The following MCM8 variants were observed in gnomAD, a reference collection of about 807,000 sequenced individuals.
MCM8 encodes the protein minichromosome maintenance 8 homologous recombination repair factor.
Under a neutral mutation model 98.9 loss-of-function variants are expected in MCM8, and 85 were observed. The ratio of observed to expected loss-of-function variants is 0.86; its 90% confidence interval spans 0.72 to 1.03. The LOEUF is 1.03. MCM8 is among the 50% of genes least tolerant of loss of function. The pLI is 0.00. For synonymous variants in MCM8, 352 were observed against 338.6 expected (o/e 1.04, Z -0.44); for missense variants, 951 against 997.8 (o/e 0.95, Z 0.63).
At chr20:5,966,907 C>T (rs1156881694) in intron 8 of MCM8, among the ~76,000 whole-genome samples, 1 of 152,198 alleles carries the variant, frequency 6.6e-6, no homozygotes, top group Non-Finnish European at 1.5e-5. Context: ...CCCTACCCAC[C>T]TGTCCACTCA....
intron 2 of MCM8, 60 bp downstream of exon 2, chr20:5,952,223 A>G (rs2088849732): frequency 1.3e-6 from 2 of 1,598,318 alleles, no homozygotes; most frequent in South Asian, 1.1e-5. Context: ...CACGTCTATC[A>G]TACAAGGCGG....
chr20:5,980,663 G>C (rs1044295528), intron 13 of MCM8, among the ~76,000 whole-genome samples: 4 of 152,118 alleles, frequency 2.6e-5, no homozygotes, highest in Non-Finnish European at 5.9e-5. Flanking sequence ...CTTGAGACCA[G>C]GAGTTTGAGA....
chr20:5,986,666 A>G (rs1343889674), intron 16 of MCM8, among the ~76,000 whole-genome samples: 1 of 152,216 alleles, frequency 6.6e-6, no homozygotes, highest in Admixed American at 6.5e-5. Context: ...CATATTGGTT[A>G]GGTATGATTT....
At chr20:5,991,956 G>C (rs2089862067) in intron 17 of MCM8, among the ~76,000 whole-genome samples, 2 of 152,158 alleles carry the variant, frequency 1.3e-5, no homozygotes, top group Admixed American at 1.3e-4. Context: ...GCTGACAGTT[G>C]AATAAGAAAA....
chr20:5,958,711 C>T lies in MCM8; in HGVS notation c.774C>T (p.Tyr258=), dbSNP rs750136115. ...IQSFPLPDGK[Y]SLPTKCPVPV... is the part of the protein sequence containing the mutation. ...GCTTTCCTCTTCCAGATGGAAAATA[C>T]AGTCTTCCCACAAAGGTAATACGTT... Residue 258 remains tyrosine, a synonymous_variant, in exon 7 of 19, where the codon TAC becomes TAT. Transcript: ENST00000610722. The T allele has an allele frequency of 1.2e-6, 2 of 1,614,104 alleles. No homozygotes were observed. Among genetic ancestry groups the T allele is most frequent in the South Asian group, 1.1e-5 (1 of 91,080 alleles).
intron 12 of MCM8, among the ~76,000 whole-genome samples, chr20:5,977,302 TA>T (rs1345629975): frequency 1.3e-5 from 2 of 152,220 alleles, no homozygotes; most frequent in Non-Finnish European, 2.9e-5. Context: ...AATGCTGTGA[TA>T]AAACATAAGG....
chr20:5,967,343 C>A, intron 8 of MCM8, 93 bp from the exon 9 acceptor site: 1 of 1,105,702 alleles, frequency 9.0e-7, no homozygotes, highest in Non-Finnish European at 1.3e-6. Flanking sequence ...CTGCTTTTAT[C>A]TTCCTCAGCA....
chr20:5,974,564 C>T (rs1243990098), intron 12 of MCM8, among the ~76,000 whole-genome samples: 2 of 152,196 alleles, frequency 1.3e-5, no homozygotes, highest in Non-Finnish European at 2.9e-5. Flanking sequence ...CCTGGCTGCA[C>T]ATCTTAATTA....
intron 8 of MCM8, among the ~76,000 whole-genome samples, chr20:5,964,011 A>G (rs2089217506): frequency 6.6e-6 from 1 of 152,200 alleles, no homozygotes; most frequent in Admixed American, 6.5e-5. Flanking sequence ...TGTGATAGAA[A>G]TAATATTGTT....
Position 5,985,938 on chromosome 20 carries a change from C to CA in MCM8, c.1972dup (p.Ile658AsnfsTer38), listed in dbSNP as rs745384378. ...ATGCTTCAGGTGGTTCCTGGAGAAA[C>CA]AATAGATCCCATTCCCCACCAGCTA... On this transcript the variant is annotated frameshift_variant, in exon 16 of 19. Transcript: ENST00000610722. LOFTEE classifies it high-confidence loss of function. 1 of 1,614,140 alleles carries CA rather than the reference C, an allele frequency of 6.2e-7. No individual in the cohort carries two copies. The highest frequency in any genetic ancestry group is 8.5e-7 in the Non-Finnish European group (1 of 1,179,988).
intron 12 of MCM8, among the ~76,000 whole-genome samples, chr20:5,974,868 G>A (rs182277379): frequency 3.9e-5 from 6 of 152,220 alleles, no homozygotes; most frequent in Admixed American, 6.5e-5. Flanking sequence ...GCCATCTGGG[G>A]CTACTTTTTA....
chr20:5,971,166 AG>A (rs2089393435), intron 10 of MCM8, among the ~76,000 whole-genome samples: 1 of 152,200 alleles, frequency 6.6e-6, no homozygotes, highest in South Asian at 2.1e-4. Flanking sequence ...CTTCTCAGCC[AG>A]GGCTCTTAAG....
At chr20:5,982,598 T>C (rs1394578004) in intron 13 of MCM8, among the ~76,000 whole-genome samples, 1 of 152,218 alleles carries the variant, frequency 6.6e-6, no homozygotes, top group African/African-American at 2.4e-5. Context: ...TTACTATATG[T>C]GTATTGAGGT....
Position 5,994,359 on chromosome 20 carries a change from G to A in MCM8, c.2491G>A (p.Gly831Ser), listed in dbSNP as rs368339733. 221 of 1,608,886 alleles carry A rather than the reference G, an allele frequency of 1.4e-4. No homozygotes were observed. Among genetic ancestry groups the A allele is most frequent in the Non-Finnish European group, 1.7e-4 (202 of 1,178,124 alleles). ...LNDQGYLLKK[G>S]PKVYQLQTM ...TGACCAGGGTTACCTCTTGAAAAAAGGCCCAAAAGTTTACCAGCTTCAAAC... is the reference window on the plus strand; with the variant it reads ...TGACCAGGGTTACCTCTTGAAAAAAAGCCCAAAAGTTTACCAGCTTCAAAC... Residue 831 changes from glycine to serine, a missense_variant, in exon 19 of 19, where the codon GGC becomes AGC. Transcript: ENST00000610722.
chr20:5,985,041 G>A (rs995530451), intron 15 of MCM8, 41 bp downstream of exon 15: 3 of 1,534,838 alleles, frequency 2.0e-6, no homozygotes, highest in Admixed American at 3.4e-5. Context: ...GGTTCTGTTT[G>A]AATGTCAAAG....
chr20:5,987,208 T>C, intron 16 of MCM8, 74 bp from the exon 17 acceptor site: 3 of 1,407,602 alleles, frequency 2.1e-6, no homozygotes, highest in Non-Finnish European at 9.8e-7. Flanking sequence ...AACAAGTAAA[T>C]GAAGTAAAGC....
chr20:5,978,711 C>T (rs963025793), intron 13 of MCM8, among the ~76,000 whole-genome samples: 13 of 152,124 alleles, frequency 8.5e-5, no homozygotes, highest in Admixed American at 7.9e-4. Context: ...GTGTGCGTGA[C>T]CACATCCAGC....
At chr20:5,954,959 G>A (rs2088935036) in intron 4 of MCM8, 143 bp from the exon 5 acceptor site, 2 of 641,990 alleles carry the variant, frequency 3.1e-6, no homozygotes, top group East Asian at 5.5e-5. Context: ...ACCATGCTTG[G>A]CACAAAGCTT....
In MCM8 at chr20:5,967,247, G is replaced by A. The variant is rs1229216204; in HGVS notation, c.876-189G>A. Among the ~76,000 whole-genome samples the A allele has an allele frequency of 3.3e-5, 5 of 152,250 alleles. No homozygotes were observed. In the East Asian group the frequency reaches 9.6e-4, roughly 29 times the overall value. On this transcript the variant is annotated intron_variant, in intron 8 of 18. Transcript: ENST00000610722. Reference sequence around the variant, plus strand: ...GGTGGACATTTTGGAGGGAGGCTAGGCAAATACATATGTTCATTTGGCTAT... The same window carrying A: ...GGTGGACATTTTGGAGGGAGGCTAGACAAATACATATGTTCATTTGGCTAT...
Sources: gnomAD v4.1 joint callset for allele counts (sites outside exome capture counted in the v4.1 genomes callset) on GRCh38, gnomAD v4.1.1 for gene constraint, MANE v1.5 for transcripts, NCBI Gene and HGNC (gene_info 2026-07-23, HGNC 2026-07-21) for gene names.